Variants in NTM observed in about 807,000 individuals in gnomAD.
NTM encodes neurotrimin.
In NTM, 13 loss-of-function variants were observed where a neutral mutation model predicts 42.1. The observed-to-expected ratio is 0.31, with a 90% CI of 0.20 to 0.49. NTM has a LOEUF of 0.49. NTM is among the 20% of genes least tolerant of loss of function. The probability of loss-of-function intolerance (pLI) is 0.99; values close to 1 mark genes in which losing one functional copy is unlikely to be tolerated. For missense variants in NTM, 373 were observed against 452.8 expected, an observed-to-expected ratio of 0.82 and a Z score of 1.60; for synonymous variants, 187 against 179.2, an observed-to-expected ratio of 1.04 and a Z score of -0.35.
chr11:132,114,767 C>T (rs2063660669), intron 2 of NTM, among the ~76,000 whole-genome samples: 1 of 152,174 alleles, frequency 6.6e-6, no homozygotes, highest in Admixed American at 6.5e-5. Context: ...TGACTGGTTC[C>T]AGGTCACACA....
At chr11:131,872,459 C>G (rs896284797) in intron 1 of NTM, among the ~76,000 whole-genome samples, 12 of 152,302 alleles carry the variant, frequency 7.9e-5, no homozygotes, top group Non-Finnish European at 1.5e-4. Context: ...CTTGTTCAGC[C>G]AGGATCTATG....
At chr11:132,055,514 G>A (rs1291154455) in intron 2 of NTM, among the ~76,000 whole-genome samples, 1 of 152,190 alleles carries the variant, frequency 6.6e-6, no homozygotes, top group Non-Finnish European at 1.5e-5. Flanking sequence ...TAACCCTGTG[G>A]CATCAGGAGT....
At chr11:132,119,041 A>G (rs2064320662) in intron 2 of NTM, among the ~76,000 whole-genome samples, 1 of 152,200 alleles carries the variant, frequency 6.6e-6, no homozygotes. Context: ...CCAGCGGATG[A>G]AAAGATGTTC....
intron 1 of NTM, among the ~76,000 whole-genome samples, chr11:131,657,223 C>T (rs1383377726): frequency 6.6e-6 from 1 of 151,710 alleles, no homozygotes; most frequent in African/African-American, 2.4e-5. Context: ...AAGCGCTGGC[C>T]CAGTCTGAGA....
At chr11:131,611,798 CCAGACTTTCCCCACA>C (rs763126613) in intron 1 of NTM, among the ~76,000 whole-genome samples, 6 of 152,116 alleles carry the variant, frequency 3.9e-5, no homozygotes, top group Non-Finnish European at 7.4e-5. Flanking sequence ...GTGGGAAAGA[CCAGACTTTCCCCACA>C]CAGAGCTATG....
At chr11:132,052,369 T>G (rs2078972737) in intron 2 of NTM, among the ~76,000 whole-genome samples, 3 of 152,150 alleles carry the variant, frequency 2.0e-5, no homozygotes, top group Admixed American at 2.0e-4. Context: ...ATTTCCCCCC[T>G]TAGACAGTGA....
intron 1 of NTM, among the ~76,000 whole-genome samples, chr11:131,811,663 A>G (rs1014447931): frequency 6.6e-6 from 1 of 152,204 alleles, no homozygotes; most frequent in African/African-American, 2.4e-5. Flanking sequence ...TTAATGGTGT[A>G]ACTCTATGGC....
intron 1 of NTM, among the ~76,000 whole-genome samples, chr11:131,648,870 A>G (rs898617757): frequency 2.0e-5 from 3 of 152,202 alleles, no homozygotes; most frequent in African/African-American, 7.2e-5. Context: ...CTTTTTAAGG[A>G]ATATTCAGGA....
intron 1 of NTM, among the ~76,000 whole-genome samples, chr11:131,875,038 T>TA (rs1334366463): frequency 2.0e-5 from 3 of 152,232 alleles, no homozygotes; most frequent in Admixed American, 6.5e-5. Flanking sequence ...AATAGAGACT[T>TA]AAGCTGAGAC....
chr11:132,152,715 G>A (rs1489328701), intron 3 of NTM, among the ~76,000 whole-genome samples: 1 of 152,142 alleles, frequency 6.6e-6, no homozygotes, highest in Non-Finnish European at 1.5e-5. Context: ...TGACAACGGA[G>A]GGACAAAAAT....
At chr11:131,673,279 G>C (rs2070745553) in intron 1 of NTM, among the ~76,000 whole-genome samples, 1 of 152,132 alleles carries the variant, frequency 6.6e-6, no homozygotes, top group Non-Finnish European at 1.5e-5. Flanking sequence ...GGGCTCCTGA[G>C]TGGAGAGACT....
chr11:131,806,645 A>T (rs1430457612), intron 1 of NTM, among the ~76,000 whole-genome samples: 1 of 152,162 alleles, frequency 6.6e-6, no homozygotes, highest in Non-Finnish European at 1.5e-5. Flanking sequence ...ACACACAGGA[A>T]GCTAGTGGCA....
chr11:131,635,644 T>TTTTTTATTAATTTAGTGTATTTAA (rs2064270921), intron 1 of NTM, among the ~76,000 whole-genome samples: 2 of 151,652 alleles, frequency 1.3e-5, no homozygotes, highest in Non-Finnish European at 1.5e-5. Context: ...GAATAAAGAC[T>TTTTTTATTAATTTAGTGTATTTAA]TTTTTATTAA....
chr11:131,646,990 G>C (rs964708653), intron 1 of NTM, among the ~76,000 whole-genome samples: 4 of 152,228 alleles, frequency 2.6e-5, no homozygotes, highest in African/African-American at 9.6e-5. Context: ...CGCAAAAGGG[G>C]AGATTAAAAT....
chr11:131,717,580 T>G (rs1176085288), intron 1 of NTM, among the ~76,000 whole-genome samples: 6 of 152,256 alleles, frequency 3.9e-5, no homozygotes, highest in Non-Finnish European at 8.8e-5. Context: ...TTTCTTGTCT[T>G]GTAACAATGC....
chr11:131,512,480 G>T (rs985000416), intron 1 of NTM, among the ~76,000 whole-genome samples: 1 of 152,082 alleles, frequency 6.6e-6, no homozygotes, highest in African/African-American at 2.4e-5. Flanking sequence ...CCCAGAGGCC[G>T]ACTCCCACAG....
At chr11:132,082,930 G>T (rs1160048926) in intron 2 of NTM, among the ~76,000 whole-genome samples, 1 of 152,170 alleles carries the variant, frequency 6.6e-6, no homozygotes, top group Admixed American at 6.5e-5. Context: ...GCTGCTGGCA[G>T]GCTCAGATAA....
chr11:131,393,117 C>A (rs1050390063), intron 1 of NTM, among the ~76,000 whole-genome samples: 2 of 152,164 alleles, frequency 1.3e-5, no homozygotes, highest in African/African-American at 2.4e-5. Flanking sequence ...CTGTCTGGAA[C>A]GCCCTCTCGT....
At chr11:132,275,493 T>C (rs1395164265) in intron 4 of NTM, among the ~76,000 whole-genome samples, 1 of 151,872 alleles carries the variant, frequency 6.6e-6, no homozygotes, top group East Asian at 1.9e-4. Context: ...ATTTCTCTTT[T>C]TTTTCATTTT....
Sources: gnomAD v4.1 joint callset for allele counts (sites outside exome capture counted in the v4.1 genomes callset) on GRCh38, gnomAD v4.1.1 for gene constraint, MANE v1.5 for transcripts, NCBI Gene and HGNC (gene_info 2026-07-23, HGNC 2026-07-21) for gene names.